The following UBTD2 variants were observed in gnomAD, a reference collection of about 807,000 sequenced individuals.
UBTD2 encodes ubiquitin domain containing 2, also known as ubiquitin domain-containing protein 2.
In UBTD2, 9 loss-of-function variants were observed where a neutral mutation model predicts 19.8. The ratio of observed to expected loss-of-function variants is 0.46; its 90% CI spans 0.27 to 0.79. The LOEUF (loss-of-function observed/expected upper bound fraction) is 0.79. Among genes scored for constraint, UBTD2 ranks in the 30% least tolerant of loss-of-function variants. The probability of loss-of-function intolerance (pLI) is 0.14; values close to 1 mark genes in which losing one functional copy is unlikely to be tolerated. For missense variants in UBTD2, 250 were observed against 300.4 expected, an observed-to-expected ratio of 0.83 and a Z score of 1.24; for synonymous variants, 98 against 103.9, an observed-to-expected ratio of 0.94 and a Z score of 0.35.
At chr5:172,236,446 T>C (rs949553862) in intron 1 of UBTD2, among the ~76,000 whole-genome samples, 1 of 152,236 alleles carries the variant, frequency 6.6e-6, no homozygotes, top group African/African-American at 2.4e-5. Flanking sequence ...TAATGATTTT[T>C]CCCTACCTCT....
At chr5:172,278,869 T>C (rs578104289) in intron 1 of UBTD2, among the ~76,000 whole-genome samples, 4 of 152,176 alleles carry the variant, frequency 2.6e-5, no homozygotes, top group South Asian at 2.1e-4. Context: ...CTGCCTCCCA[T>C]GTTCAAGCGA....
chr5:172,244,295 G>GTTTGTTTTTTTTTTT (rs1214308760), intron 1 of UBTD2, among the ~76,000 whole-genome samples: 3 of 126,076 alleles, frequency 2.4e-5, no homozygotes, highest in Non-Finnish European at 3.3e-5. Flanking sequence ...TTTCCTCCCA[G>GTTTGTTTTTTTTTTT]TTTTTTTTTT....
rs990342185 is a variant in UBTD2, at chr5:172,283,705, G to C, written c.-40C>G. 5.0e-6 allele frequency: 6 copies of C among 1,205,164 alleles called. No individual in the cohort carries two copies. The highest frequency in any genetic ancestry group is 4.1e-6 in the Non-Finnish European group (4 of 968,404). The allele number at this position is 1,205,164 out of a possible 1,614,324, so 74.7% of individuals were successfully genotyped here. The stretch of plus-strand genomic sequence containing the variant: ...CCTCGTCCGCCACCTCCGGACGCTC[G>C]TCCGGGCCCGCCGCCGCCGCCGCTG... On this transcript the variant is annotated 5_prime_UTR_variant, in exon 1 of 3. Transcript: ENST00000393792. The surrounding 1 kb of genome is among the most constrained non-coding windows in gnomAD (Gnocchi z 4.3).
At chr5:172,258,630 C>T (rs996345508) in intron 1 of UBTD2, among the ~76,000 whole-genome samples, 2 of 152,146 alleles carry the variant, frequency 1.3e-5, no homozygotes, top group Non-Finnish European at 2.9e-5. Context: ...CTCTGATTTC[C>T]TTCAGCAGTG....
rs111856574 is a variant in UBTD2, at chr5:172,263,851, C to CTGTG, written c.70+19741_70+19744dup. 3.6e-3 allele frequency among the ~76,000 whole-genome samples: 508 copies of CTGTG among 142,342 alleles called. 5 individuals are homozygous for CTGTG. The highest frequency in any genetic ancestry group is 0.026 in the East Asian group (123 of 4,804). The allele number at this position is 142,342 out of a possible 152,430, so 93.4% of individuals were successfully genotyped here. ...CCCCCAAGATACAATGCACGTGCCT[C>CTGTG]TGTGTGTGTGTGTGTGTGTGTGTGT... On this transcript the variant is annotated intron_variant, in intron 1 of 2. Transcript: ENST00000393792.
At chr5:172,234,046 C>A in intron 2 of UBTD2, 76 bp downstream of exon 2, 1 of 1,441,170 alleles carries the variant, frequency 6.9e-7, no homozygotes, top group Non-Finnish European at 9.7e-7. Flanking sequence ...AGGAAAAACA[C>A]TCTCCCATTT....
At chr5:172,214,500 T>C (rs1474880376) in intron 2 of UBTD2, among the ~76,000 whole-genome samples, 1 of 152,210 alleles carries the variant, frequency 6.6e-6, no homozygotes, top group African/African-American at 2.4e-5. Context: ...GCAGTCCCTA[T>C]ACCAGTAACT....
At chr5:172,219,436 G>A (rs1381849259) in intron 2 of UBTD2, among the ~76,000 whole-genome samples, 1 of 152,096 alleles carries the variant, frequency 6.6e-6, no homozygotes, top group Non-Finnish European at 1.5e-5. Context: ...TGCTCCATCT[G>A]GCCTGGGACA....
chr5:172,246,207 A>C (rs1271722626), intron 1 of UBTD2, among the ~76,000 whole-genome samples: 1 of 152,206 alleles, frequency 6.6e-6, no homozygotes, highest in Non-Finnish European at 1.5e-5. Flanking sequence ...TCAAGAGCCA[A>C]ATACAAATTT....
intron 2 of UBTD2, among the ~76,000 whole-genome samples, chr5:172,221,076 A>G (rs1771641063): frequency 6.6e-6 from 1 of 152,246 alleles, no homozygotes; most frequent in Admixed American, 6.5e-5. Context: ...ATGAAACAAC[A>G]ACAACAAAAA....
At position 172,234,505 on chromosome 5, in the gene UBTD2, C is replaced by A. The variant is rs576583251; in HGVS notation, c.71-147G>T. The A allele has an allele frequency of 4.8e-4, 343 of 708,196 alleles. 4 individuals are homozygous for A. The South Asian group carries it at 6.3e-3, about 13-fold the overall frequency. The allele number at this position is 708,196 out of a possible 1,614,324, so 43.9% of individuals were successfully genotyped here. ...AGCTAATTTGTGCATCCTGAAATTC[C>A]TCTAACACATTTTGGAACTACAAAA... On this transcript the variant is annotated intron_variant, in intron 1 of 2. Transcript: ENST00000393792.
At chr5:172,267,579 G>C in intron 1 of UBTD2, among the ~76,000 whole-genome samples, 1 of 152,132 alleles carries the variant, frequency 6.6e-6, no homozygotes, top group Non-Finnish European at 1.5e-5. Context: ...TATAACTTAA[G>C]TCATAACACT....
intron 2 of UBTD2, among the ~76,000 whole-genome samples, chr5:172,219,977 T>C (rs932815593): frequency 6.6e-6 from 1 of 152,198 alleles, no homozygotes; most frequent in Non-Finnish European, 1.5e-5. Context: ...ACCACTGTAC[T>C]TCCTAACTCA....
At chr5:172,254,899 C>A in intron 1 of UBTD2, 1 of 501,010 alleles carries the variant, frequency 2.0e-6, no homozygotes, top group Non-Finnish European at 3.8e-6. Context: ...TCATCTCCTC[C>A]ATGGAAGACC....
chr5:172,259,791 C>T (rs541334535), intron 1 of UBTD2, among the ~76,000 whole-genome samples: 70 of 152,176 alleles, frequency 4.6e-4, no homozygotes, highest in African/African-American at 1.6e-3. Context: ...GGATGGCTCA[C>T]GCCTGTAATC....
chr5:172,228,116 G>A (rs1013086666), intron 2 of UBTD2, among the ~76,000 whole-genome samples: 9 of 152,136 alleles, frequency 5.9e-5, no homozygotes, highest in African/African-American at 1.9e-4. Context: ...AAGAGAATCT[G>A]CTTTTTTCTC....
chr5:172,272,413 T>G (rs985605245), intron 1 of UBTD2, among the ~76,000 whole-genome samples: 1 of 152,096 alleles, frequency 6.6e-6, no homozygotes, highest in Non-Finnish European at 1.5e-5. Flanking sequence ...AGCGGAAAGA[T>G]GCGAGGGATG....
intron 1 of UBTD2, among the ~76,000 whole-genome samples, chr5:172,242,773 T>C (rs1423890106): frequency 6.6e-6 from 1 of 152,204 alleles, no homozygotes; most frequent in Non-Finnish European, 1.5e-5. Flanking sequence ...GTATATCTAT[T>C]GATGATCCTT....
At chr5:172,247,708 A>C (rs1754908263) in intron 1 of UBTD2, among the ~76,000 whole-genome samples, 1 of 152,230 alleles carries the variant, frequency 6.6e-6, no homozygotes, top group Non-Finnish European at 1.5e-5. Context: ...ACAGAATTGA[A>C]GGGAGATACA....
Sources: gnomAD v4.1 joint callset for allele counts (sites outside exome capture counted in the v4.1 genomes callset) on GRCh38, gnomAD v4.1.1 for gene constraint, Gnocchi (gnomAD v3.1) non-coding constraint, MANE v1.5 for transcripts, NCBI Gene and HGNC (gene_info 2026-07-23, HGNC 2026-07-21) for gene names.